Variants in SCN9A observed in about 807,000 individuals in gnomAD.
SCN9A encodes the protein sodium channel protein type 9 subunit alpha.
In SCN9A, 131 loss-of-function variants were observed where a neutral mutation model predicts 187.0. That is an observed-to-expected ratio of 0.70 (90% CI 0.61 to 0.81). The LOEUF is 0.81. SCN9A is among the 30% of genes least tolerant of loss of function. The pLI is 0.00. For synonymous variants in SCN9A, 809 were observed against 808.6 expected, an observed-to-expected ratio of 1.00 and a Z score of -0.01; for missense variants, 2,252 against 2,396.6, an observed-to-expected ratio of 0.94 and a Z score of 1.26.
chr2:166,267,060 G>A (rs954877633), intron 17 of SCN9A, among the ~76,000 whole-genome samples: 1 of 151,794 alleles, frequency 6.6e-6, no homozygotes, highest in Non-Finnish European at 1.5e-5. Context: ...TCTCTTGCCT[G>A]ATTGCTCTGG....
chr2:166,308,960 T>G (rs984103837), intron 2 of SCN9A, among the ~76,000 whole-genome samples: 1 of 147,656 alleles, frequency 6.8e-6, no homozygotes, highest in Non-Finnish European at 1.5e-5. Context: ...AATACATGTA[T>G]AGTCAGAAAC....
chr2:166,278,132 A>T lies in SCN9A; in HGVS notation c.2517+8T>A, dbSNP rs765515826. 3 of 1,607,432 alleles carry T rather than the reference A, an allele frequency of 1.9e-6. No homozygotes were observed. In the African/African-American group the frequency reaches 4.0e-5, roughly 22 times the overall value. On this transcript the variant is annotated splice_region_variant and intron_variant, in intron 15 of 26. Coordinates refer to ENST00000642356, the MANE Select transcript of SCN9A (RefSeq NM_001365536.1). ...TAGAATATAATGGCAACCTTAGTTT[A>T]TGTTTACCAGTCTGAATGATCGCAG...
At chr2:166,304,928 C>T (rs1431822638) in intron 5 of SCN9A, among the ~76,000 whole-genome samples, 1 of 151,790 alleles carries the variant, frequency 6.6e-6, no homozygotes, top group Non-Finnish European at 1.5e-5. Context: ...TGAATTGTAC[C>T]AATAGGAAAA....
intron 1 of SCN9A, among the ~76,000 whole-genome samples, chr2:166,368,053 T>C (rs528365663): frequency 1.3e-3 from 194 of 152,360 alleles, no homozygotes; most frequent in African/African-American, 4.4e-3. Context: ...GTGGGGTATG[T>C]GCAAACGTAT....
intron 24 of SCN9A, among the ~76,000 whole-genome samples, chr2:166,214,540 TGTCTC>T (rs1694244016): frequency 6.4e-3 from 3 of 468 alleles, no homozygotes; most frequent in African/African-American, 0.042. Context: ...GGAGTCTCGC[TGTCTC>T]GCTCTGTCGC....
intron 24 of SCN9A, among the ~76,000 whole-genome samples, chr2:166,210,081 G>A (rs1231033327): frequency 6.6e-6 from 1 of 152,126 alleles, no homozygotes; most frequent in Non-Finnish European, 1.5e-5. Context: ...TGATAGACTG[G>A]ATTAAGAAAA....
intron 24 of SCN9A, among the ~76,000 whole-genome samples, chr2:166,212,397 G>T (rs1255724037): frequency 6.6e-6 from 1 of 152,118 alleles, no homozygotes; most frequent in East Asian, 1.9e-4. Context: ...GACAAAGTAG[G>T]TCATAAAATA....
At chr2:166,254,456 C>T (rs995709848) in intron 17 of SCN9A, among the ~76,000 whole-genome samples, 5 of 151,304 alleles carry the variant, frequency 3.3e-5, no homozygotes, top group South Asian at 2.1e-4. Flanking sequence ...AAGAGAATAC[C>T]TTTATATAGA....
chr2:166,288,791 C>A lies in SCN9A; in HGVS notation c.1108-148G>T, dbSNP rs1000877702. ...AGAAAAGTTATATCTTCATGGAAAA[C>A]AAATATTAAACACATTTTCAGTACG... On this transcript the variant is annotated intron_variant, in intron 9 of 26. Coordinates refer to ENST00000642356, the MANE Select transcript of SCN9A (RefSeq NM_001365536.1). 17 of 567,472 alleles carry A rather than the reference C, an allele frequency of 3.0e-5. 1 individual carries two copies. Among genetic ancestry groups the A allele is most frequent in the Non-Finnish European group, 5.0e-5 (17 of 337,306 alleles). 35.2% of individuals were successfully genotyped at this position (567,472 alleles called of 1,614,324 possible).
chr2:166,287,310 T>C (rs894830471), intron 10 of SCN9A, among the ~76,000 whole-genome samples: 6 of 152,128 alleles, frequency 3.9e-5, no homozygotes, highest in Non-Finnish European at 8.8e-5. Context: ...TATGTATGTA[T>C]AATTTTAAAA....
In SCN9A at chr2:166,341,878, A is replaced by T. The variant is rs918361930; in HGVS notation, c.-50-30072T>A. 6.6e-5 allele frequency among the ~76,000 whole-genome samples: 10 copies of T among 152,330 alleles called. No homozygotes were observed. In the East Asian group the frequency reaches 1.9e-3, roughly 29 times the overall value. On this transcript the variant is annotated intron_variant, in intron 1 of 26. Coordinates refer to ENST00000642356, the MANE Select transcript of SCN9A (RefSeq NM_001365536.1). The stretch of plus-strand genomic sequence containing the variant: ...ATTTCATCAATAACATTAATCTGTC[A>T]TTTCATTCAGGAAATACAAGAAAGG...
chr2:166,208,184 C>T lies in SCN9A; in HGVS notation c.4399-3720G>A, dbSNP rs1480049117. On this transcript the variant is annotated intron_variant, in intron 24 of 26. Transcript: ENST00000642356. ...TTCTGTAAGTCAGGCTAGTTTTTTTCTGTGTTACAATCTACATTGAGGCTG... is the reference window on the plus strand; with the variant it reads ...TTCTGTAAGTCAGGCTAGTTTTTTTTTGTGTTACAATCTACATTGAGGCTG... Among the ~76,000 whole-genome samples the T allele has an allele frequency of 3.9e-5, 6 of 152,096 alleles. No homozygotes were observed. The South Asian group carries it at 1.2e-3, about 32-fold the overall frequency.
chr2:166,236,825 A>G (rs1259192025), intron 20 of SCN9A, among the ~76,000 whole-genome samples: 3 of 152,224 alleles, frequency 2.0e-5, no homozygotes, highest in Non-Finnish European at 4.4e-5. Context: ...TTTACTATGT[A>G]TGATCATGCT....
In SCN9A at chr2:166,211,141, CA is replaced by C. The variant is rs557693774; in HGVS notation, c.4399-6678del. On this transcript the variant is annotated intron_variant, in intron 24 of 26. Transcript: ENST00000642356. ...AAGTGAAAGGGAAGTTTGAAAGCAGCAAGAAAAAAACTGAATTGTCATGTCC... is the reference window on the plus strand; with the variant it reads ...AAGTGAAAGGGAAGTTTGAAAGCAGCAGAAAAAAACTGAATTGTCATGTCC... Among the ~76,000 whole-genome samples the C allele has an allele frequency of 2.0e-5, 3 of 151,662 alleles. No individual in the cohort carries two copies. The South Asian group carries it at 6.3e-4, about 32-fold the overall frequency.
intron 19 of SCN9A, among the ~76,000 whole-genome samples, chr2:166,241,149 T>C (rs1249254673): frequency 2.0e-5 from 3 of 152,056 alleles, no homozygotes; most frequent in Non-Finnish European, 4.4e-5. Flanking sequence ...AAAATCAAAG[T>C]CCAAACTCAT....
At chr2:166,341,026 G>A (rs548258391) in intron 1 of SCN9A, among the ~76,000 whole-genome samples, 10 of 152,016 alleles carry the variant, frequency 6.6e-5, no homozygotes, top group Non-Finnish European at 1.2e-4. Context: ...ATTATTATGT[G>A]CATTGATATA....
intron 18 of SCN9A, among the ~76,000 whole-genome samples, chr2:166,248,009 G>A (rs1695871257): frequency 6.6e-6 from 1 of 152,078 alleles, no homozygotes; most frequent in Non-Finnish European, 1.5e-5. Flanking sequence ...GAGAAAAGGT[G>A]AATAAGAGGA....
At chr2:166,232,735 GTATATA>G (rs753868931) in intron 21 of SCN9A, among the ~76,000 whole-genome samples, 2,794 of 139,146 alleles carry the variant, frequency 0.02, 59 homozygotes, top group South Asian at 0.053. Context: ...TACTGTGTGT[GTATATA>G]TATATATATA....
chr2:166,232,744 TATATATATAGAGAGAG>T (rs924600780), intron 21 of SCN9A, among the ~76,000 whole-genome samples: 2 of 37,228 alleles, frequency 5.4e-5, no homozygotes, highest in African/African-American at 1.9e-4. Flanking sequence ...TGTATATATA[TATATATATAGAGAGAG>T]AGAGAGTATG....
Sources: gnomAD v4.1 joint callset for allele counts (sites outside exome capture counted in the v4.1 genomes callset) on GRCh38, gnomAD v4.1.1 for gene constraint, MANE v1.5 for transcripts, NCBI Gene and HGNC (gene_info 2026-07-23, HGNC 2026-07-21) for gene names.